The following KCND3 variants were observed in gnomAD, a reference collection of about 807,000 sequenced individuals.
KCND3 encodes A-type voltage-gated potassium channel KCND3.
A neutral mutation model predicts 51.1 loss-of-function variants in KCND3; 9 were observed. The observed-to-expected ratio is 0.18, with a 90% confidence interval of 0.11 to 0.31. The LOEUF (loss-of-function observed/expected upper bound fraction) is 0.31, where lower values mean the gene tolerates loss of function less well. Among genes scored for constraint, KCND3 ranks in the 10% least tolerant of loss-of-function variants. The pLI, the probability that KCND3 is intolerant of heterozygous loss-of-function variation, is 1.00. For synonymous variants in KCND3, 349 were observed against 368.0 expected, an observed-to-expected ratio of 0.95 and a Z score of 0.59; for missense variants, 526 against 903.8, an observed-to-expected ratio of 0.58 and a Z score of 5.36.
chr1:111,900,630 A>G (rs1341058231), intron 2 of KCND3, among the ~76,000 whole-genome samples: 1 of 151,942 alleles, frequency 6.6e-6, no homozygotes, highest in African/African-American at 2.4e-5. Context: ...CCATATGCCC[A>G]GTGCCTGGTA....
chr1:111,787,147 C>T (rs1362363851), intron 2 of KCND3, 41 bp from the exon 3 acceptor site: 1 of 1,602,118 alleles, frequency 6.2e-7, no homozygotes, highest in Non-Finnish European at 8.5e-7. Flanking sequence ...GAGAGAGGGC[C>T]ATTTGGGAAA....
intron 2 of KCND3, among the ~76,000 whole-genome samples, chr1:111,852,276 A>G (rs1571740809): frequency 6.6e-6 from 1 of 152,358 alleles, no homozygotes; most frequent in East Asian, 1.9e-4. Context: ...CTGGAAAAGC[A>G]AAGCAAGCCC....
At position 111,780,687 on chromosome 1, in the gene KCND3, TACC is replaced by T; in HGVS notation, c.1371_1371+2del. 6.2e-7 allele frequency: 1 copy of T among 1,606,604 alleles called. No homozygotes were observed. Among genetic ancestry groups the T allele is most frequent in the Non-Finnish European group, 8.5e-7 (1 of 1,176,314 alleles). On this transcript the variant is annotated splice_donor_variant and coding_sequence_variant, in exon 4 of 8. Coordinates refer to ENST00000302127, the MANE Select transcript of KCND3 (RefSeq NM_001378969.1). LOFTEE classifies it high-confidence loss of function. This position sits in a 1 kb window ranked among gnomAD's most constrained non-coding sequence, Gnocchi z 4.2. The stretch of plus-strand genomic sequence containing the variant: ...CCCTAGCCCAGGTCCTCTAGGCACC[TACC>T]GTCAGCTCCAGCGCCTCGTTGAGGA...
chr1:111,873,421 G>C (rs940765668), intron 2 of KCND3, among the ~76,000 whole-genome samples: 1 of 152,148 alleles, frequency 6.6e-6, no homozygotes, highest in Non-Finnish European at 1.5e-5. Flanking sequence ...CATGATAGGT[G>C]GTGGGAATTA....
At chr1:111,961,254 G>T (rs969286367) in intron 2 of KCND3, among the ~76,000 whole-genome samples, 1 of 152,214 alleles carries the variant, frequency 6.6e-6, no homozygotes, top group Non-Finnish European at 1.5e-5. Flanking sequence ...CGCCAGCGAG[G>T]CCATTGTGCT....
intron 1 of KCND3, among the ~76,000 whole-genome samples, chr1:111,987,851 G>A (rs1378019624): frequency 6.6e-6 from 1 of 152,188 alleles, no homozygotes; most frequent in Non-Finnish European, 1.5e-5. Context: ...GAAAGATAGG[G>A]GGTGGGGGGA....
At chr1:111,886,816 T>C (rs1412103560) in intron 2 of KCND3, among the ~76,000 whole-genome samples, 1 of 152,120 alleles carries the variant, frequency 6.6e-6, no homozygotes, top group Non-Finnish European at 1.5e-5. Context: ...CAGTAGACGG[T>C]GGATTTGTGT....
rs1307934269 is a variant in KCND3, at chr1:111,982,638, G to T, written c.89C>A (p.Ala30Asp). The T allele has an allele frequency of 6.2e-7, 1 of 1,613,612 alleles. No individual in the cohort carries two copies. Among genetic ancestry groups the T allele is most frequent in the Non-Finnish European group, 8.5e-7 (1 of 1,179,946 alleles). Reference protein sequence around the residue: ...MPVANCPMPLAPADKNKRQDE... With the variant: ...MPVANCPMPLDPADKNKRQDE... Reference sequence around the variant, plus strand: ...CTGCCGCTTGTTCTTGTCGGCCGGGGCCAGGGGCATGGGGCAGTTGGCCAC... The same window carrying T: ...CTGCCGCTTGTTCTTGTCGGCCGGGTCCAGGGGCATGGGGCAGTTGGCCAC... Residue 30 changes from alanine (A) to aspartate (D), a missense_variant, in exon 2 of 8, where the codon GCC becomes GAC. This residue lies in a region of KCND3 where 159 missense variants were observed against 262.8 expected (regional missense o/e 0.61). Coordinates refer to ENST00000302127, the MANE Select transcript of KCND3 (RefSeq NM_001378969.1). This position sits in a 1 kb window ranked among gnomAD's most constrained non-coding sequence, Gnocchi z 8.5.
At chr1:111,980,237 T>TGTGTGTGTGTGG (rs58525616) in intron 2 of KCND3, among the ~76,000 whole-genome samples, 2 of 151,022 alleles carry the variant, frequency 1.3e-5, no homozygotes, top group African/African-American at 4.9e-5. Context: ...TGTGTGTGTG[T>TGTGTGTGTGTGG]GGGTTGGAGT....
At chr1:111,785,743 C>T (rs1393550556) in intron 3 of KCND3, among the ~76,000 whole-genome samples, 1 of 152,076 alleles carries the variant, frequency 6.6e-6, no homozygotes, top group African/African-American at 2.4e-5. Flanking sequence ...TGGATTTCTT[C>T]CTCCATAACG....
rs1446358003 is a variant in KCND3, at chr1:111,981,216, C to T, written c.1106+405G>A. On this transcript the variant is annotated intron_variant, in intron 2 of 7. Transcript: ENST00000302127. This position sits in a 1 kb window ranked among gnomAD's most constrained non-coding sequence, Gnocchi z 6.2. ...GTCTTCTGGTAATGGACATCTGAACCCTCCGAACTTCTCAACAGTCTCCTC... is the reference window on the plus strand; with the variant it reads ...GTCTTCTGGTAATGGACATCTGAACTCTCCGAACTTCTCAACAGTCTCCTC... Among the ~76,000 whole-genome samples, 13 of 152,018 alleles carry T rather than the reference C, an allele frequency of 8.6e-5. No individual in the cohort carries two copies. The highest frequency in any genetic ancestry group is 7.2e-4 in the Admixed American group (11 of 15,280).
intron 1 of KCND3, chr1:111,989,236 G>C (rs1195639117): frequency 1.3e-5 from 2 of 152,314 alleles, no homozygotes; most frequent in African/African-American, 4.8e-5. Flanking sequence ...CAGGCCAATG[G>C]AAAGAGGGCA....
intron 2 of KCND3, among the ~76,000 whole-genome samples, chr1:111,823,567 ATTC>A (rs1265525480): frequency 6.6e-6 from 1 of 152,180 alleles, no homozygotes; most frequent in Non-Finnish European, 1.5e-5. Context: ...TCTGAAGAGC[ATTC>A]TTCTTGATGG....
chr1:111,851,148 C>T (rs189647924), intron 2 of KCND3, among the ~76,000 whole-genome samples: 2 of 152,320 alleles, frequency 1.3e-5, no homozygotes, highest in Admixed American at 1.3e-4. Flanking sequence ...CTTCCTTGAG[C>T]TGCTATTTTA....
intron 2 of KCND3, among the ~76,000 whole-genome samples, chr1:111,883,401 C>T (rs935110552): frequency 6.6e-6 from 1 of 152,226 alleles, no homozygotes; most frequent in Non-Finnish European, 1.5e-5. Context: ...TCTTATCTCA[C>T]CCGTCTTCTC....
At chr1:111,901,914 G>C (rs1373384337) in intron 2 of KCND3, among the ~76,000 whole-genome samples, 1 of 152,174 alleles carries the variant, frequency 6.6e-6, no homozygotes. Flanking sequence ...TGAATGAAAA[G>C]TGGAGCCTCA....
chr1:111,857,426 GTCC>G (rs894699295), intron 2 of KCND3, among the ~76,000 whole-genome samples: 15 of 152,132 alleles, frequency 9.9e-5, no homozygotes, highest in South Asian at 6.2e-4. Flanking sequence ...AGTGAGTGTT[GTCC>G]TCCTCCTCTC....
At position 111,935,379 on chromosome 1, in the gene KCND3, C is replaced by G. The variant is rs78916641; in HGVS notation, c.1106+46242G>C. On this transcript the variant is annotated intron_variant, in intron 2 of 7. Coordinates refer to ENST00000302127, the MANE Select transcript of KCND3 (RefSeq NM_001378969.1). ...GGATTATTTGTGCAACCACCTGCTT[C>G]CCTTACTCCCAGATAATTGACTTGC... Among the ~76,000 whole-genome samples the G allele has an allele frequency of 2.6e-3, 393 of 152,240 alleles. 8 individuals carry two copies. The East Asian group carries it at 0.042, about 16-fold the overall frequency.
chr1:111,795,004 A>AT (rs1401911652), intron 2 of KCND3, among the ~76,000 whole-genome samples: 17 of 152,198 alleles, frequency 1.1e-4, no homozygotes, highest in Admixed American at 3.9e-4. Flanking sequence ...GGGAGCCAAC[A>AT]TGGAAGGCAG....
Sources: allele counts gnomAD v4.1 joint callset (sites outside exome capture counted in the v4.1 genomes callset), GRCh38; gene constraint gnomAD v4.1.1; regional missense constraint gnomAD v4.1.1; non-coding constraint Gnocchi (gnomAD v3.1); transcripts MANE v1.5; gene names NCBI Gene and HGNC (gene_info 2026-07-23, HGNC 2026-07-21).